Variants in GNAT2 observed in about 807,000 individuals in gnomAD.
GNAT2 encodes the protein guanine nucleotide-binding protein G(t) subunit alpha-2.
Under a neutral mutation model 40.9 loss-of-function variants are expected in GNAT2, and 32 were observed. The ratio of observed to expected loss-of-function variants is 0.78; its 90% CI spans 0.59 to 1.05. The LOEUF (loss-of-function observed/expected upper bound fraction) is 1.05. Among genes scored for constraint, GNAT2 ranks in the 50% least tolerant of loss-of-function variants. The pLI, the probability that GNAT2 is intolerant of heterozygous loss-of-function variation, is 0.00. For missense variants in GNAT2, 355 were observed against 431.5 expected (o/e 0.82, Z 1.57); for synonymous variants, 141 against 157.2 (o/e 0.90, Z 0.77).
Position 109,603,947 on chromosome 1 carries a change from T to C in GNAT2, c.874+4A>G. ...TATTATTATTTCCAGCCCCTGACAC[T>C]TACCATCATACTCTGGAAAACAAAT... On this transcript the variant is annotated splice_donor_region_variant and intron_variant, in intron 8 of 8. Transcript: ENST00000679935. The C allele has an allele frequency of 6.3e-7, 1 of 1,596,510 alleles. No individual in the cohort carries two copies. Among genetic ancestry groups the C allele is most frequent in the South Asian group, 1.1e-5 (1 of 90,668 alleles).
At chr1:109,610,417 C>A (rs747363906) in intron 3 of GNAT2, 48 bp downstream of exon 3, 39 of 1,565,056 alleles carry the variant, frequency 2.5e-5, no homozygotes, top group Non-Finnish European at 3.3e-5. Flanking sequence ...ACTGGCTGTA[C>A]TGACTTCTTC....
At chr1:109,604,211 G>A in intron 7 of GNAT2, 107 bp from the exon 8 acceptor site, 1 of 853,214 alleles carries the variant, frequency 1.2e-6, no homozygotes, top group Non-Finnish European at 2.0e-6. Context: ...AATGTAAAAA[G>A]CAAGACAGAG....
At chr1:109,619,113 G>T (rs756177179) in intron 1 of GNAT2, among the ~76,000 whole-genome samples, 4 of 152,242 alleles carry the variant, frequency 2.6e-5, no homozygotes, top group Non-Finnish European at 4.4e-5. Flanking sequence ...TGGCAGTGGG[G>T]ATGCTTGTTG....
intron 5 of GNAT2, chr1:109,606,744 G>A: frequency 2.8e-6 from 1 of 354,870 alleles, no homozygotes; most frequent in Non-Finnish European, 5.4e-6. Context: ...GATTTAGTGG[G>A]TGCTAAAAGT....
At position 109,615,292 on chromosome 1, in the gene GNAT2, G is replaced by A. The variant is rs182508847; in HGVS notation, c.-53-2369C>T. Reference sequence around the variant, plus strand: ...GGCTGAGGTGGGTGGATGACCTGAGGTCAGGAGTTCCTGGCCAACATGGTG... The same window carrying A: ...GGCTGAGGTGGGTGGATGACCTGAGATCAGGAGTTCCTGGCCAACATGGTG... On this transcript the variant is annotated intron_variant, in intron 1 of 8. Coordinates refer to ENST00000679935, the MANE Select transcript of GNAT2 (RefSeq NM_001377295.2). The A allele has an allele frequency of 2.8e-3, 433 of 152,234 alleles. 7 individuals carry two copies. The highest frequency in any genetic ancestry group is 1.8e-3 in the Non-Finnish European group (122 of 68,028). The allele number at this position is 152,234 out of a possible 1,614,324, so 9.4% of individuals were successfully genotyped here.
intron 2 of GNAT2, chr1:109,611,760 C>T (rs1387484601): frequency 1.3e-5 from 2 of 152,334 alleles, no homozygotes; most frequent in East Asian, 3.9e-4. Context: ...GCCCCACCAT[C>T]TCTGTTTCCC....
chr1:109,604,291 A>C, intron 7 of GNAT2, 187 bp from the exon 8 acceptor site: 1 of 612,752 alleles, frequency 1.6e-6, no homozygotes, highest in South Asian at 1.9e-5. Context: ...CTATCTTTCT[A>C]ATAGCTGTGT....
At chr1:109,617,794 C>G (rs1257491186) in intron 1 of GNAT2, 1 of 152,218 alleles carries the variant, frequency 6.6e-6, no homozygotes, top group African/African-American at 2.4e-5. Flanking sequence ...CTCAAGAGAC[C>G]TGGCCCAATG....
intron 2 of GNAT2, chr1:109,611,249 C>G (rs970752529): frequency 1.3e-5 from 2 of 151,988 alleles, no homozygotes; most frequent in African/African-American, 4.9e-5. Flanking sequence ...TATCTTGGCT[C>G]ACTGCAACCT....
chr1:109,610,040 C>G lies in GNAT2; in HGVS notation c.303G>C (p.Ala101=), dbSNP rs183147259. ...TAACCACATAATAGTAATCACATAC[C>G]GCACAGCTTGGTTCAGCATAATCGA... ...LGIDYAEPSC[A]DDGRQLNNLA... Residue 101 remains alanine, a splice_region_variant and synonymous_variant, in exon 4 of 9, where the codon GCG becomes GCC. Transcript: ENST00000679935. 2.5e-5 allele frequency: 40 copies of G among 1,613,838 alleles called. No individual in the cohort carries two copies. In the South Asian group the frequency reaches 4.2e-4, roughly 17 times the overall value.
rs1478434901 is a variant in GNAT2, at chr1:109,619,574, C to T, written c.-145G>A. On this transcript the variant is annotated 5_prime_UTR_variant, in exon 1 of 9. Coordinates refer to ENST00000679935, the MANE Select transcript of GNAT2 (RefSeq NM_001377295.2). ...AATCCTGGGACAATGATAACAGCTACCTTTCACTGGGCCCTCACTTCGTGC... is the reference window on the plus strand; with the variant it reads ...AATCCTGGGACAATGATAACAGCTATCTTTCACTGGGCCCTCACTTCGTGC... The T allele has an allele frequency of 1.3e-5, 2 of 152,422 alleles. No individual in the cohort carries two copies. The highest frequency in any genetic ancestry group is 2.9e-5 in the Non-Finnish European group (2 of 68,070). The allele number at this position is 152,422 out of a possible 1,614,324, so 9.4% of individuals were successfully genotyped here. A position where few individuals can be genotyped will look rare whatever the true frequency, so the allele number is the denominator to read the frequency against.
Position 109,604,068 on chromosome 1 carries a change from T to C in GNAT2, c.757A>G (p.Ile253Val), listed in dbSNP as rs767751902. The part of the protein sequence containing the change: ...MHESLHLFNS[I>V]CNHKFFAATS... ...GCCGCAAAGAATTTGTGGTTACATA[T>C]GCTGTTGAACAGATGCAAAGACTCA... Residue 253 changes from isoleucine (I) to valine (V), a missense_variant, in exon 8 of 9, where the codon ATA becomes GTA. Transcript: ENST00000679935. 2.5e-6 allele frequency: 4 copies of C among 1,611,366 alleles called. No individual in the cohort carries two copies. The highest frequency in any genetic ancestry group is 3.4e-6 in the Non-Finnish European group (4 of 1,177,636).
intron 2 of GNAT2, chr1:109,611,638 T>TTATA (rs770371856): frequency 6.6e-6 from 1 of 152,124 alleles, no homozygotes; most frequent in Non-Finnish European, 1.5e-5. Flanking sequence ...AGTACTGAGT[T>TTATA]TATACTACCC....
chr1:109,612,961 T>A, intron 1 of GNAT2, 38 bp from the exon 2 acceptor site: 2 of 894,448 alleles, frequency 2.2e-6, no homozygotes, highest in South Asian at 2.6e-5. Context: ...AAAGTTGGGA[T>A]TGAGTATCCC....
In GNAT2 at chr1:109,606,397, G is replaced by A. The variant is rs1470930572; in HGVS notation, c.501C>T (p.Tyr167=). The A allele has an allele frequency of 2.0e-5, 32 of 1,611,062 alleles. No individual in the cohort carries two copies. The highest frequency in any genetic ancestry group is 2.6e-5 in the Non-Finnish European group (31 of 1,177,214). The part of the protein sequence containing the change: ...NQLERITDPE[Y]LPSEQDVLRS... ...GGAGCACATCTTGCTCACTAGGGAG[G>A]TACTCAGGGTCTGTAATTCGTTCTA... The change falls in exon 6 of 9, where the codon TAC becomes TAT. Residue 167 remains tyrosine (Y), a synonymous_variant. Coordinates refer to ENST00000679935, the MANE Select transcript of GNAT2 (RefSeq NM_001377295.2).
In GNAT2 at chr1:109,612,739, C is replaced by A; in HGVS notation, c.118+14G>T. ...ACCCCTGCCTTCTCTGGCTCATCTT[C>A]CCATCTCACTCACCCAGCAGTAGCA... On this transcript the variant is annotated intron_variant, in intron 2 of 8. Transcript: ENST00000679935. The A allele has an allele frequency of 6.8e-7, 1 of 1,468,432 alleles. No homozygotes were observed. The highest frequency in any genetic ancestry group is 9.6e-7 in the Non-Finnish European group (1 of 1,046,932). 91.0% of individuals were successfully genotyped at this position (1,468,432 alleles called of 1,614,324 possible).
intron 6 of GNAT2, 53 bp from the exon 7 acceptor site, chr1:109,606,152 G>C: frequency 1.9e-6 from 3 of 1,601,866 alleles, no homozygotes; most frequent in Non-Finnish European, 2.6e-6. Context: ...CGACCTATAT[G>C]CCTTTGATGG....
chr1:109,604,138 T>G (rs1212193828), intron 7 of GNAT2, 34 bp from the exon 8 acceptor site: 2 of 1,569,096 alleles, frequency 1.3e-6, no homozygotes, highest in South Asian at 2.2e-5. Context: ...AAATATCAGA[T>G]TTGGCTTATA....
Position 109,603,464 on chromosome 1 carries a change from TTTC to T in GNAT2, c.952_954del (p.Glu318del). ...GTAGCACAGGTCATGTGACTGTAGA[TTTC>T]TTTGACATCTTTTCGCATATTGAGG... On this transcript the variant is annotated inframe_deletion, in exon 9 of 9. Coordinates refer to ENST00000679935, the MANE Select transcript of GNAT2 (RefSeq NM_001377295.2). The T allele has an allele frequency of 6.2e-7, 1 of 1,602,160 alleles. No individual in the cohort carries two copies. The highest frequency in any genetic ancestry group is 1.1e-5 in the South Asian group (1 of 90,812).
Sources: gnomAD v4.1 joint callset for allele counts (sites outside exome capture counted in the v4.1 genomes callset) on GRCh38, gnomAD v4.1.1 for gene constraint, MANE v1.5 for transcripts, NCBI Gene and HGNC (gene_info 2026-07-23, HGNC 2026-07-21) for gene names.